Variants in MACF1 observed in about 807,000 individuals in gnomAD.
MACF1 encodes the protein microtubule-actin cross-linking factor 1.
In MACF1, 193 loss-of-function variants were observed where a neutral mutation model predicts 854.8. That is an observed-to-expected ratio of 0.23 (90% CI 0.20 to 0.25). The LOEUF (loss-of-function observed/expected upper bound fraction) is 0.25, where lower values mean the gene tolerates loss of function less well. Among genes scored for constraint, MACF1 ranks in the 10% least tolerant of loss-of-function variants. The pLI, the probability that MACF1 is intolerant of heterozygous loss-of-function variation, is 1.00. For synonymous variants in MACF1, 3,185 were observed against 3,226.7 expected (o/e 0.99, Z 0.44); for missense variants, 7,722 against 8,929.1 (o/e 0.86, Z 5.45).
rs1166099239 is a variant in MACF1, at chr1:39,435,738, G to A, written c.17965G>A (p.Glu5989Lys). Residue 5989 changes from glutamate (E) to lysine (K), a missense_variant, in exon 70 of 101, where the codon GAA becomes AAA. Transcript: ENST00000564288. The part of the protein sequence containing the change: ...EVRQRALALD[E>K]AVSQSTQFHD... ...GCGCCAGCGAGCCCTGGCTCTGGAT[G>A]AAGCCGTGTCCCAGTCCACACAGGT... The A allele has an allele frequency of 1.2e-6, 2 of 1,614,132 alleles. No individual in the cohort carries two copies. The highest frequency in any genetic ancestry group is 1.3e-5 in the African/African-American group (1 of 75,056).
intron 38 of MACF1, among the ~76,000 whole-genome samples, chr1:39,338,606 A>G (rs925229685): frequency 1.3e-5 from 2 of 152,222 alleles, no homozygotes; most frequent in South Asian, 4.1e-4. Flanking sequence ...GAAAGGCTGG[A>G]TGTTCATTCT....
intron 58 of MACF1, chr1:39,413,245 G>C: frequency 6.2e-7 from 1 of 1,612,826 alleles, no homozygotes; most frequent in Non-Finnish European, 8.5e-7. Flanking sequence ...AGCTGTCAGA[G>C]TGTCCACCCC....
intron 2 of MACF1, among the ~76,000 whole-genome samples, chr1:39,097,401 G>T (rs935140851): frequency 6.6e-6 from 1 of 152,074 alleles, no homozygotes; most frequent in Non-Finnish European, 1.5e-5. Context: ...GACTGAAGTC[G>T]AGTTGCAATA....
chr1:39,179,073 C>T (rs1644070024), intron 2 of MACF1, among the ~76,000 whole-genome samples: 2 of 152,290 alleles, frequency 1.3e-5, no homozygotes, highest in South Asian at 4.1e-4. Context: ...AAATGGATGT[C>T]ATCAGGAAAA....
chr1:39,126,828 CA>C (rs1377367865), intron 2 of MACF1, among the ~76,000 whole-genome samples: 1 of 151,772 alleles, frequency 6.6e-6, no homozygotes, highest in South Asian at 2.1e-4. Context: ...AAAATCAAAA[CA>C]AATGGTTTAG....
At chr1:39,313,671 T>C (rs1462059221) in intron 26 of MACF1, among the ~76,000 whole-genome samples, 3 of 152,172 alleles carry the variant, frequency 2.0e-5, no homozygotes, top group Non-Finnish European at 2.9e-5. Flanking sequence ...GTCATTGTTT[T>C]CATTGTTTTG....
intron 2 of MACF1, among the ~76,000 whole-genome samples, chr1:39,156,991 T>C (rs150224982): frequency 0.02 from 2,959 of 150,718 alleles, 53 homozygotes; most frequent in Non-Finnish European, 0.03. Context: ...TTCCTCTAAG[T>C]TGGGGTCTTG....
intron 51 of MACF1, 135 bp from the exon 52 acceptor site, chr1:39,372,344 T>A: frequency 1.7e-6 from 1 of 589,708 alleles, no homozygotes; most frequent in Non-Finnish European, 3.1e-6. Context: ...AGATATTTGA[T>A]AAATGAATAA....
rs116896342 is a variant in MACF1 at position 39,423,141 on chromosome 1, A to G, written c.16149+241A>G. ...TATCCTATTTCAGTGTTCATCTACA[A>G]TTTTGTGTTAAGAGGTTTTTGGTGT... is the stretch of plus-strand genomic sequence containing the variant. On this transcript the variant is annotated intron_variant, in intron 60 of 100. Transcript: ENST00000564288. Among the ~76,000 whole-genome samples the G allele has an allele frequency of 1.5e-4, 23 of 152,300 alleles. No homozygotes were observed. The East Asian group carries it at 4.1e-3, about 27-fold the overall frequency.
intron 31 of MACF1, among the ~76,000 whole-genome samples, chr1:39,320,517 T>C (rs183540234): frequency 6.6e-6 from 1 of 152,296 alleles, no homozygotes; most frequent in East Asian, 1.9e-4. Flanking sequence ...TACCTTAGAA[T>C]AGATGAAATA....
intron 96 of MACF1, 59 bp downstream of exon 96, chr1:39,468,791 T>A (rs1016986358): frequency 1.4e-6 from 2 of 1,445,250 alleles, no homozygotes; most frequent in African/African-American, 2.8e-5. Flanking sequence ...AGTGATCTTT[T>A]ATGCTTACAG....
intron 40 of MACF1, among the ~76,000 whole-genome samples, chr1:39,346,144 A>G (rs1055273757): frequency 6.6e-6 from 1 of 151,806 alleles, no homozygotes; most frequent in African/African-American, 2.4e-5. Context: ...CGGGCAGATC[A>G]TGAGGTCAGG....
chr1:39,480,307 G>A (rs1019503783), intron 98 of MACF1, among the ~76,000 whole-genome samples: 1 of 152,144 alleles, frequency 6.6e-6, no homozygotes, highest in African/African-American at 2.4e-5. Context: ...AGCCCATCCA[G>A]TGTTACTACT....
At chr1:39,423,710 G>A (rs892170625) in intron 60 of MACF1, among the ~76,000 whole-genome samples, 2 of 151,120 alleles carry the variant, frequency 1.3e-5, no homozygotes, top group African/African-American at 2.4e-5. Context: ...AATGTTTACC[G>A]TAGTCAAGAT....
intron 72 of MACF1, among the ~76,000 whole-genome samples, chr1:39,440,111 CTTTTT>C (rs774399403): frequency 3.1e-5 from 2 of 64,566 alleles, no homozygotes; most frequent in African/African-American, 6.7e-5. Flanking sequence ...CTTTTCTTTT[CTTTTT>C]TTTTTTTTTT....
intron 1 of MACF1, among the ~76,000 whole-genome samples, chr1:39,225,219 T>TTTTTTTTTA: frequency 7.2e-6 from 1 of 138,600 alleles, no homozygotes; most frequent in East Asian, 2.1e-4. Context: ...TCTTTTTTCT[T>TTTTTTTTTA]TTTTTTTTGA....
Position 39,336,046 on chromosome 1 carries a change from C to A in MACF1, c.9458C>A (p.Ser3153Ter), listed in dbSNP as rs368178808. 6.2e-7 allele frequency: 1 copy of A among 1,613,880 alleles called. No homozygotes were observed. Among genetic ancestry groups the A allele is most frequent in the Non-Finnish European group, 8.5e-7 (1 of 1,179,990 alleles). Residue 3153 changes from serine (S) to a stop codon, truncating the protein, a stop_gained, in exon 37 of 101, where the codon TCG (serine) becomes TAG (stop). Transcript: ENST00000564288. LOFTEE classifies it high-confidence loss of function. ...AACTATCAAGATTCCTGGGTTACTT[C>A]GAAAACTAAGGAAACCAAACATCAA... is the stretch of plus-strand genomic sequence containing the variant. The part of the protein sequence containing the change: ...ETNYQDSWVT[S>*]KTKETKHQIS...
At chr1:39,432,449 C>G in intron 66 of MACF1, 86 bp from the exon 67 acceptor site, 1 of 1,223,070 alleles carries the variant, frequency 8.2e-7, no homozygotes, top group Non-Finnish European at 1.2e-6. Context: ...ACTGAAAATC[C>G]AGGCCTTGCT....
chr1:39,294,971 A>G, intron 18 of MACF1, 75 bp from the exon 19 acceptor site: 1 of 1,079,080 alleles, frequency 9.3e-7, no homozygotes, highest in Non-Finnish European at 1.4e-6. Context: ...AAAATAGGGA[A>G]CACAGCTTTT....
Sources: gnomAD v4.1 joint callset for allele counts (sites outside exome capture counted in the v4.1 genomes callset) on GRCh38, gnomAD v4.1.1 for gene constraint, MANE v1.5 for transcripts, NCBI Gene and HGNC (gene_info 2026-07-23, HGNC 2026-07-21) for gene names.